The following TAP1 variants were observed in gnomAD, a reference collection of about 807,000 sequenced individuals.
TAP1 encodes transporter 1, ATP binding cassette subfamily B member.
A neutral mutation model predicts 79.3 loss-of-function variants in TAP1; 56 were observed. The observed-to-expected ratio is 0.71, with a 90% CI of 0.57 to 0.88. The LOEUF (loss-of-function observed/expected upper bound fraction) is 0.88. Ranked by LOEUF, TAP1 falls within the 40% of genes least tolerant of loss-of-function variation. The probability of loss-of-function intolerance (pLI) is 0.00; values close to 1 mark genes in which losing one functional copy is unlikely to be tolerated. For synonymous variants in TAP1, 355 were observed against 401.4 expected (o/e 0.88, Z 1.38); for missense variants, 737 against 936.3 (o/e 0.79, Z 2.78).
chr6:32,849,585 CAAAA>C (rs9280199), intron 5 of TAP1: 58 of 157,724 alleles, frequency 3.7e-4, no homozygotes, highest in South Asian at 1.3e-3. Context: ...ACTAAAAATA[CAAAA>C]AAAAAAAAAA....
At position 32,850,072 on chromosome 6, in the gene TAP1, C is replaced by A; in HGVS notation, c.1248+248G>T. The A allele has an allele frequency of 1.7e-6, 1 of 598,816 alleles. No individual in the cohort carries two copies. Among genetic ancestry groups the A allele is most frequent in the Non-Finnish European group, 3.0e-6 (1 of 334,998 alleles). 37.1% of individuals were successfully genotyped at this position (598,816 alleles called of 1,614,324 possible). ...GAAGGCCCTAGGACTGGAAGACACG[C>A]ATCTCTCCAATCCACATGGTTGGGT... On this transcript the variant is annotated intron_variant, in intron 5 of 10. Transcript: ENST00000354258. This position sits in a 1 kb window ranked among gnomAD's most constrained non-coding sequence, Gnocchi z 5.5.
At position 32,845,790 on chromosome 6, in the gene TAP1, G is replaced by A. The variant is rs764036005; in HGVS notation, c.2041-5C>T. The A allele has an allele frequency of 6.2e-7, 1 of 1,610,462 alleles. No homozygotes were observed. Among genetic ancestry groups the A allele is most frequent in the South Asian group, 1.1e-5 (1 of 91,016 alleles). On this transcript the variant is annotated splice_region_variant and splice_polypyrimidine_tract_variant and intron_variant, in intron 10 of 10. Transcript: ENST00000354258. The surrounding 1 kb of genome is among the most constrained non-coding windows in gnomAD (Gnocchi z 4.5). ...TTCGTACAGGAGCTGCTCCACCTGA[G>A]GAAAGACATCGGACCGTCAGAGCCG...
rs2127386795 is a variant in TAP1, at chr6:32,847,294, T to G, written c.1904-90A>C. Reference sequence around the variant, plus strand: ...CAGACACACTCATGCATTCACGCACTCACACACACCAAGATCTGACGGTTG... The same window carrying G: ...CAGACACACTCATGCATTCACGCACGCACACACACCAAGATCTGACGGTTG... On this transcript the variant is annotated intron_variant, in intron 9 of 10. Coordinates refer to ENST00000354258, the MANE Select transcript of TAP1 (RefSeq NM_000593.6). The surrounding 1 kb of genome is among the most constrained non-coding windows in gnomAD (Gnocchi z 4.7). The G allele has an allele frequency of 6.4e-7, 1 of 1,573,586 alleles. No individual in the cohort carries two copies. The highest frequency in any genetic ancestry group is 2.3e-5 in the East Asian group (1 of 44,270).
intron 5 of TAP1, 103 bp from the exon 6 acceptor site, chr6:32,849,221 T>C (rs12527715): frequency 0.18 from 255,238 of 1,446,910 alleles, 23,848 homozygotes; most frequent in South Asian, 0.28. Flanking sequence ...CCCTGTCTCC[T>C]AAGTGACATC....
Position 32,848,804 on chromosome 6 carries a change from C to A in TAP1, c.1414G>T (p.Val472Leu). Residue 472 changes from valine (V) to leucine (L), a missense_variant, in exon 7 of 11, where the codon GTG becomes TTG. Physicochemically the swap from Val to Leu is conservative, Grantham distance 32. This residue lies in a region of TAP1 where 14 missense variants were observed against 42.0 expected (regional missense o/e 0.33). Transcript: ENST00000354258. ...TCAAATATTTTCTCTGAGGAGCCCACAGCCTTCTGTACTCTGGGGTAGATG... is the reference window on the plus strand; with the variant it reads ...TCAAATATTTTCTCTGAGGAGCCCAAAGCCTTCTGTACTCTGGGGTAGATG... ...LSIYPRVQKAVGSSEKIFEYL... is the reference protein window; with the variant it reads ...LSIYPRVQKALGSSEKIFEYL... The A allele has an allele frequency of 1.9e-6, 3 of 1,614,024 alleles. No individual in the cohort carries two copies. Among genetic ancestry groups the A allele is most frequent in the Non-Finnish European group, 2.5e-6 (3 of 1,180,032 alleles).
rs1470217821 is a variant in TAP1 at position 32,851,023 on chromosome 6, G to C, written c.971C>G (p.Ser324Ter). The C allele has an allele frequency of 1.2e-6, 2 of 1,612,974 alleles. No individual in the cohort carries two copies. Among genetic ancestry groups the C allele is most frequent in the East Asian group, 4.5e-5 (2 of 44,880 alleles). Reference sequence around the variant, plus strand: ...CAGGGTGACCATGGTGAGGGACACTGATCCCCAGAGCATGATCCCCAAGAG... The same window carrying C: ...CAGGGTGACCATGGTGAGGGACACTCATCCCCAGAGCATGATCCCCAAGAG... ...LCLLGIMLWGSVSLTMVTLIT... is the reference protein window; with the variant it reads ...LCLLGIMLWG The change falls in exon 4 of 11, where the codon TCA becomes TGA. Residue 324 changes from serine to a stop codon, truncating the protein, a stop_gained. Coordinates refer to ENST00000354258, the MANE Select transcript of TAP1 (RefSeq NM_000593.6). LOFTEE classifies it high-confidence loss of function. The surrounding 1 kb of genome is among the most constrained non-coding windows in gnomAD (Gnocchi z 4.8).
Position 32,848,997 on chromosome 6 carries a change from G to A in TAP1, c.1370C>T (p.Ala457Val). The change falls in exon 6 of 11, where the codon GCT (alanine) becomes GTT (valine). Residue 457 changes from alanine to valine, a missense_variant. This residue lies in a region of TAP1 where 14 missense variants were observed against 42.0 expected (regional missense o/e 0.33). Transcript: ENST00000354258. ...FVLYQMQFTQ[A>V]VEVLLSIYPR... ...AAGGTGGAGGGACCTCACCTCCACA[G>A]CCTGGGTGAACTGCATCTGGTAGAG... is the stretch of plus-strand genomic sequence containing the variant. 6.2e-7 allele frequency: 1 copy of A among 1,612,324 alleles called. No individual in the cohort carries two copies.
chr6:32,848,290 G>A (rs1770571204), intron 7 of TAP1, 198 bp from the exon 8 acceptor site: 1 of 703,404 alleles, frequency 1.4e-6, no homozygotes, highest in Non-Finnish European at 2.4e-6. Flanking sequence ...AAAGACAAGG[G>A]CAGAGACCCA....
intron 5 of TAP1, chr6:32,849,517 G>T (rs973377577): frequency 3.1e-4 from 98 of 317,298 alleles, no homozygotes; most frequent in African/African-American, 2.0e-3. Context: ...CGAAGTGGGC[G>T]GATCACAAGG....
intron 5 of TAP1, chr6:32,849,585 C>G (rs1324715535): frequency 6.4e-6 from 1 of 156,980 alleles, no homozygotes; most frequent in East Asian, 1.7e-4. Flanking sequence ...ACTAAAAATA[C>G]AAAAAAAAAA....
intron 10 of TAP1, chr6:32,846,100 A>C (rs1770376860): frequency 2.2e-6 from 1 of 459,664 alleles, no homozygotes; most frequent in African/African-American, 1.9e-5. Flanking sequence ...TTTTAAGGAA[A>C]TATAACTTAG....
rs765696066 is a variant in TAP1, at chr6:32,851,475, A to G, written c.845-326T>C. On this transcript the variant is annotated intron_variant, in intron 3 of 10. Coordinates refer to ENST00000354258, the MANE Select transcript of TAP1 (RefSeq NM_000593.6). This position sits in a 1 kb window ranked among gnomAD's most constrained non-coding sequence, Gnocchi z 4.8. ...GGCAGGAAGAGCTTAAACTGGTCAC[A>G]TAACAGAGATGGAGGAGGAGGGTGC... 7.2e-5 allele frequency among the ~76,000 whole-genome samples: 11 copies of G among 152,342 alleles called. No individual in the cohort carries two copies. The highest frequency in any genetic ancestry group is 1.9e-4 in the East Asian group (1 of 5,194).
At position 32,851,010 on chromosome 6, in the gene TAP1, G is replaced by C. The variant is rs769061618; in HGVS notation, c.984C>G (p.Thr328=). The C allele has an allele frequency of 1.2e-6, 2 of 1,613,022 alleles. No individual in the cohort carries two copies. Among genetic ancestry groups the C allele is most frequent in the Non-Finnish European group, 1.7e-6 (2 of 1,180,016 alleles). ...GAGGCAGGGTGATCAGGGTGACCAT[G>C]GTGAGGGACACTGATCCCCAGAGCA... ...GIMLWGSVSL[T]MVTLITLPLL... Residue 328 remains threonine, a synonymous_variant, in exon 4 of 11, where the codon ACC becomes ACG. Coordinates refer to ENST00000354258, the MANE Select transcript of TAP1 (RefSeq NM_000593.6). This position sits in a 1 kb window ranked among gnomAD's most constrained non-coding sequence, Gnocchi z 4.8.
Position 32,852,472 on chromosome 6 carries a change from C to T in TAP1, c.629G>A (p.Arg210His), listed in dbSNP as rs550037204. The T allele has an allele frequency of 9.8e-5, 158 of 1,612,922 alleles. No homozygotes were observed. Among genetic ancestry groups the T allele is most frequent in the Middle Eastern group, 1.7e-4 (1 of 6,060 alleles). ...ATCTTGTAGAATCCAGTCAGTGAGG[C>T]GGCCCGTAAAGAATGGAATGGCCAT... ...GEMAIPFFTG[R>H]LTDWILQDGS... The change falls in exon 2 of 11, where the codon CGC becomes CAC. Residue 210 changes from arginine to histidine, a missense_variant. By Grantham distance (29) the Arg-to-His change is conservative (BLOSUM62 0). Coordinates refer to ENST00000354258, the MANE Select transcript of TAP1 (RefSeq NM_000593.6). This position sits in a 1 kb window ranked among gnomAD's most constrained non-coding sequence, Gnocchi z 4.8.
Position 32,850,642 on chromosome 6 carries a change from A to T in TAP1, c.1051-125T>A. The stretch of plus-strand genomic sequence containing the variant: ...GAGGAAAAGGAGAAAAGAGAAAGAG[A>T]CACAGCTATGCCCCTTGGATGCTAA... On this transcript the variant is annotated intron_variant, in intron 4 of 10. Transcript: ENST00000354258. This position sits in a 1 kb window ranked among gnomAD's most constrained non-coding sequence, Gnocchi z 5.5. 1.1e-6 allele frequency: 1 copy of T among 876,020 alleles called. No homozygotes were observed. The highest frequency in any genetic ancestry group is 1.8e-6 in the Non-Finnish European group (1 of 543,056). 54.3% of individuals were successfully genotyped at this position (876,020 alleles called of 1,614,324 possible). A position where few individuals can be genotyped will look rare whatever the true frequency, so the allele number is the denominator to read the frequency against.
chr6:32,847,229 G>A lies in TAP1; in HGVS notation c.1904-25C>T, dbSNP rs1218120216. The A allele has an allele frequency of 6.2e-7, 1 of 1,609,678 alleles. No individual in the cohort carries two copies. The highest frequency in any genetic ancestry group is 8.5e-7 in the Non-Finnish European group (1 of 1,179,994). On this transcript the variant is annotated intron_variant, in intron 9 of 10. Coordinates refer to ENST00000354258, the MANE Select transcript of TAP1 (RefSeq NM_000593.6). The surrounding 1 kb of genome is among the most constrained non-coding windows in gnomAD (Gnocchi z 4.7). ...TCTGCAGAGCAAAGGGCCAAGATGA[G>A]AACGGTATAGCCACATGTGTGCACG...
rs765832351 is a variant in TAP1 at position 32,847,077 on chromosome 6, G to T, written c.2031C>A (p.Ser677Arg). Residue 677 changes from serine to arginine, a missense_variant, in exon 10 of 11, where the codon AGC becomes AGA. Coordinates refer to ENST00000354258, the MANE Select transcript of TAP1 (RefSeq NM_000593.6). This position sits in a 1 kb window ranked among gnomAD's most constrained non-coding sequence, Gnocchi z 4.7. The stretch of plus-strand genomic sequence containing the variant: ...AAGATGACTGCCTCACCTGTAACTG[G>T]CTGTTTGCATCCAGGGCACTGGTGG... ...DDATSALDAN[S>R]QLQVEQLLYE... 1.2e-5 allele frequency: 19 copies of T among 1,612,706 alleles called. No individual in the cohort carries two copies. Among genetic ancestry groups the T allele is most frequent in the Non-Finnish European group, 1.6e-5 (19 of 1,180,044 alleles).
chr6:32,846,349 C>T (rs567952599), intron 10 of TAP1: 30 of 168,810 alleles, frequency 1.8e-4, no homozygotes, highest in Middle Eastern at 3.1e-3. Flanking sequence ...GGGCTGGGCC[C>T]GGTGGCTCAT....
In TAP1 at chr6:32,852,437, C is replaced by A. The variant is rs1407467013; in HGVS notation, c.664G>T (p.Asp222Tyr). The change falls in exon 2 of 11, where the codon GAT becomes TAT. Residue 222 changes from aspartate (D) to tyrosine (Y), a missense_variant. By Grantham distance (160) the Asp-to-Tyr change is radical. Transcript: ENST00000354258. The surrounding 1 kb of genome is among the most constrained non-coding windows in gnomAD (Gnocchi z 4.8). ...AGAGTTAAGTTTCGAGTGAAGGTATCGGCTGAGCCATCTTGTAGAATCCAG... is the reference window on the plus strand; with the variant it reads ...AGAGTTAAGTTTCGAGTGAAGGTATAGGCTGAGCCATCTTGTAGAATCCAG... ...TDWILQDGSA[D>Y]TFTRNLTLMS... 3.1e-6 allele frequency: 5 copies of A among 1,612,992 alleles called. No homozygotes were observed. The highest frequency in any genetic ancestry group is 3.3e-4 in the Middle Eastern group (2 of 6,062).
Sources: allele counts gnomAD v4.1 joint callset (sites outside exome capture counted in the v4.1 genomes callset), GRCh38; gene constraint gnomAD v4.1.1; regional missense constraint gnomAD v4.1.1; non-coding constraint Gnocchi (gnomAD v3.1); transcripts MANE v1.5; gene names NCBI Gene and HGNC (gene_info 2026-07-23, HGNC 2026-07-21).